Variants in ST8SIA6 observed in about 807,000 individuals in gnomAD.
ST8SIA6 encodes the protein ST8 alpha-N-acetyl-neuraminide alpha-2,8-sialyltransferase 6.
A neutral mutation model predicts 33.6 loss-of-function variants in ST8SIA6; 39 were observed. The observed-to-expected ratio is 1.16, with a 90% confidence interval of 0.90 to 1.52. The LOEUF is 1.52. Ranked by LOEUF, ST8SIA6 falls within the 40% of genes most tolerant of loss-of-function variation. ST8SIA6 has a pLI of 0.00. For missense variants in ST8SIA6, 441 were observed against 443.8 expected (o/e 0.99, Z 0.06); for synonymous variants, 172 against 167.2 (o/e 1.03, Z -0.22).
chr10:17,430,633 G>A (rs549148298), intron 2 of ST8SIA6, among the ~76,000 whole-genome samples: 1 of 152,136 alleles, frequency 6.6e-6, no homozygotes, highest in Non-Finnish European at 1.5e-5. Context: ...TTTCCCTGAT[G>A]ATTAGTGGTG....
At chr10:17,430,679 A>G (rs1588918481) in intron 2 of ST8SIA6, among the ~76,000 whole-genome samples, 1 of 152,064 alleles carries the variant, frequency 6.6e-6, no homozygotes, top group African/African-American at 2.4e-5. Context: ...GGCCATTTGT[A>G]TATCTTCTTT....
rs1283417370 is a variant in ST8SIA6, at chr10:17,316,400, T to G, written c.*4478A>C. Among the ~76,000 whole-genome samples, 1 of 152,112 alleles carries G rather than the reference T, an allele frequency of 6.6e-6. No homozygotes were observed. The highest frequency in any genetic ancestry group is 2.4e-5 in the African/African-American group (1 of 41,444). ...GATCCAGTCAAGTTAGTTCACTGAC[T>G]TCCGAAGAGACAGATATCTGTGAGT... On this transcript the variant is annotated 3_prime_UTR_variant, in exon 8 of 8. Transcript: ENST00000377602.
chr10:17,341,615 C>T (rs1032814088), intron 4 of ST8SIA6, among the ~76,000 whole-genome samples: 7 of 151,848 alleles, frequency 4.6e-5, no homozygotes, highest in Admixed American at 4.6e-4. Context: ...CAGTAAGAAG[C>T]TGGGGCCAGG....
chr10:17,341,915 A>AAAAC (rs1848689924), intron 4 of ST8SIA6, among the ~76,000 whole-genome samples: 1 of 150,796 alleles, frequency 6.6e-6, no homozygotes, highest in African/African-American at 2.4e-5. Context: ...AAAAAAAAAA[A>AAAAC]AAAAAACAAA....
At chr10:17,384,475 A>C (rs2770197) in intron 3 of ST8SIA6, among the ~76,000 whole-genome samples, 41,489 of 152,100 alleles carry the variant, frequency 0.27, 6,427 homozygotes, top group East Asian at 0.64. Flanking sequence ...ATTTGTCTTT[A>C]ATAACATGGG....
chr10:17,379,315 G>A (rs959508150), intron 3 of ST8SIA6, among the ~76,000 whole-genome samples: 1 of 151,882 alleles, frequency 6.6e-6, no homozygotes, highest in African/African-American at 2.4e-5. Context: ...GAGAGAAAGA[G>A]TAAGAATGAG....
intron 3 of ST8SIA6, among the ~76,000 whole-genome samples, chr10:17,388,625 A>C (rs1163655915): frequency 1.3e-5 from 2 of 152,192 alleles, no homozygotes; most frequent in Non-Finnish European, 2.9e-5. Flanking sequence ...AATCAGCAAT[A>C]CCTCTTACTG....
chr10:17,389,412 C>T (rs1005696247), intron 3 of ST8SIA6, among the ~76,000 whole-genome samples: 3 of 152,128 alleles, frequency 2.0e-5, no homozygotes, highest in Non-Finnish European at 4.4e-5. Flanking sequence ...AGATGAAACT[C>T]GGGTTATTTC....
intron 3 of ST8SIA6, among the ~76,000 whole-genome samples, chr10:17,369,351 GTTTAA>G (rs1849659648): frequency 6.6e-6 from 1 of 152,054 alleles, no homozygotes; most frequent in African/African-American, 2.4e-5. Flanking sequence ...GAAATGTGTT[GTTTAA>G]TTCTCACCCA....
chr10:17,318,281 T>A lies in ST8SIA6; in HGVS notation c.*2597A>T, dbSNP rs753447879. ...CACAGGCTAGAATGCAGTGGTAAGA[T>A]CACAGCTCACTGCAGCCTCTACCTC... On this transcript the variant is annotated 3_prime_UTR_variant, in exon 8 of 8. Transcript: ENST00000377602. 3.6e-5 allele frequency: 7 copies of A among 194,380 alleles called. No homozygotes were observed. Among genetic ancestry groups the A allele is most frequent in the Non-Finnish European group, 6.4e-5 (6 of 94,066 alleles). The allele number at this position is 194,380 out of a possible 1,614,324, so 12.0% of individuals were successfully genotyped here.
intron 3 of ST8SIA6, among the ~76,000 whole-genome samples, chr10:17,368,634 A>C (rs1849638996): frequency 1.3e-5 from 2 of 152,126 alleles, no homozygotes; most frequent in African/African-American, 4.8e-5. Context: ...GGAAGCCCTC[A>C]CTGAGAGGTG....
At chr10:17,452,267 C>T (rs116911356) in intron 2 of ST8SIA6, among the ~76,000 whole-genome samples, 2,245 of 152,292 alleles carry the variant, frequency 0.015, 26 homozygotes, top group Middle Eastern at 0.031. Context: ...TGGTGTTCCT[C>T]AATTCAGGGT....
At chr10:17,451,445 G>C (rs1446826634) in intron 2 of ST8SIA6, among the ~76,000 whole-genome samples, 1 of 152,216 alleles carries the variant, frequency 6.6e-6, no homozygotes, top group Non-Finnish European at 1.5e-5. Context: ...GGGGAGAGCT[G>C]AGAAATTATC....
At chr10:17,335,386 C>T (rs925194462) in intron 4 of ST8SIA6, among the ~76,000 whole-genome samples, 2 of 152,118 alleles carry the variant, frequency 1.3e-5, no homozygotes, top group Non-Finnish European at 2.9e-5. Context: ...CTGAATTTTG[C>T]CCTTTTGCAA....
intron 5 of ST8SIA6, among the ~76,000 whole-genome samples, chr10:17,327,449 T>C (rs955635497): frequency 6.6e-6 from 1 of 151,664 alleles, no homozygotes; most frequent in Non-Finnish European, 1.5e-5. Flanking sequence ...TAGCTGGGCG[T>C]GGTGGTGGGT....
intron 3 of ST8SIA6, among the ~76,000 whole-genome samples, chr10:17,368,886 G>A (rs1047338172): frequency 2.6e-5 from 4 of 152,152 alleles, no homozygotes; most frequent in African/African-American, 7.2e-5. Context: ...CAGGAGATGA[G>A]ATCAGAAAGG....
chr10:17,342,906 G>A (rs557186474), intron 4 of ST8SIA6, among the ~76,000 whole-genome samples: 151 of 152,202 alleles, frequency 9.9e-4, no homozygotes, highest in African/African-American at 2.9e-3. Context: ...CTGAGATCGC[G>A]CCACCATGCT....
chr10:17,364,671 T>C (rs902491254), intron 3 of ST8SIA6, among the ~76,000 whole-genome samples: 2 of 152,172 alleles, frequency 1.3e-5, no homozygotes, highest in Non-Finnish European at 2.9e-5. Context: ...AATTATAAAA[T>C]GGAAGCATGG....
At chr10:17,334,537 TC>T (rs1848442348) in intron 4 of ST8SIA6, among the ~76,000 whole-genome samples, 1 of 117,356 alleles carries the variant, frequency 8.5e-6, no homozygotes, top group Admixed American at 9.5e-5. Flanking sequence ...AGACTCCGTT[TC>T]AAAAAAAAAA....
Sources: allele counts gnomAD v4.1 joint callset (sites outside exome capture counted in the v4.1 genomes callset), GRCh38; gene constraint gnomAD v4.1.1; transcripts MANE v1.5; gene names NCBI Gene and HGNC (gene_info 2026-07-23, HGNC 2026-07-21).